Variants in TMTC1 observed in about 807,000 individuals in gnomAD.
The protein encoded by TMTC1 is protein O-mannosyl-transferase TMTC1.
A neutral mutation model predicts 104.8 loss-of-function variants in TMTC1; 73 were observed. That is an observed-to-expected ratio of 0.70 (90% CI 0.58 to 0.85). The LOEUF (loss-of-function observed/expected upper bound fraction) is 0.85, where lower values mean the gene tolerates loss of function less well. TMTC1 is among the 40% of genes least tolerant of loss of function. The pLI is 0.00. For missense variants in TMTC1, 1,035 were observed against 1,096.1 expected, an observed-to-expected ratio of 0.94 and a Z score of 0.79; for synonymous variants, 434 against 428.7, an observed-to-expected ratio of 1.01 and a Z score of -0.15.
At chr12:29,727,652 A>G (rs1359081101) in intron 5 of TMTC1, among the ~76,000 whole-genome samples, 1 of 152,208 alleles carries the variant, frequency 6.6e-6, no homozygotes, top group Non-Finnish European at 1.5e-5. Context: ...CTGGAATTAC[A>G]GGCGTGAGCC....
At chr12:29,569,254 T>G (rs188826492) in intron 9 of TMTC1, among the ~76,000 whole-genome samples, 2 of 152,290 alleles carry the variant, frequency 1.3e-5, no homozygotes, top group East Asian at 3.9e-4. Flanking sequence ...AATATTCATG[T>G]CATACATAAT....
At chr12:29,585,899 T>TTAGGACTGACTTGGAAATGTGGGCTC (rs1350634528) in intron 7 of TMTC1, among the ~76,000 whole-genome samples, 362 of 152,312 alleles carry the variant, frequency 2.4e-3, no homozygotes, top group African/African-American at 8.4e-3. Context: ...TTCTTTTGGC[T>TTAGGACTGACTTGGAAATGTGGGCTC]TAGGACTGAC....
intron 5 of TMTC1, among the ~76,000 whole-genome samples, chr12:29,735,954 G>A (rs912269788): frequency 3.9e-5 from 6 of 152,120 alleles, no homozygotes; most frequent in African/African-American, 9.7e-5. Flanking sequence ...GAGTCTCCTC[G>A]GGTCTATTAC....
intron 5 of TMTC1, among the ~76,000 whole-genome samples, chr12:29,677,120 C>T (rs1292306998): frequency 6.6e-6 from 1 of 152,204 alleles, no homozygotes; most frequent in Non-Finnish European, 1.5e-5. Flanking sequence ...TTCAAGAAAA[C>T]AGCATAAATA....
intron 3 of TMTC1, among the ~76,000 whole-genome samples, chr12:29,756,547 T>A (rs1359145129): frequency 2.0e-5 from 3 of 152,238 alleles, no homozygotes; most frequent in African/African-American, 7.2e-5. Context: ...AGCCAAAATA[T>A]TTAAATTCAT....
intron 5 of TMTC1, among the ~76,000 whole-genome samples, chr12:29,670,454 G>T (rs966596290): frequency 2.0e-5 from 3 of 152,142 alleles, no homozygotes; most frequent in South Asian, 2.1e-4. Flanking sequence ...TTGTCCCAAG[G>T]TTCCACAGGT....
At chr12:29,615,616 G>C (rs903864352) in intron 6 of TMTC1, among the ~76,000 whole-genome samples, 7 of 151,912 alleles carry the variant, frequency 4.6e-5, no homozygotes, top group Admixed American at 2.0e-4. Flanking sequence ...GGCCTTGCAG[G>C]GTCCCTCATC....
At chr12:29,636,527 C>G (rs1377550893) in intron 5 of TMTC1, among the ~76,000 whole-genome samples, 1 of 151,994 alleles carries the variant, frequency 6.6e-6, no homozygotes, top group Non-Finnish European at 1.5e-5. Flanking sequence ...TTACATGTTA[C>G]CAAAAGAAAA....
At chr12:29,661,607 T>C (rs1374890809) in intron 5 of TMTC1, among the ~76,000 whole-genome samples, 1 of 87,360 alleles carries the variant, frequency 1.1e-5, no homozygotes, top group African/African-American at 5.3e-5. Flanking sequence ...TTAGTATTTT[T>C]GTATTTTTAG....
chr12:29,666,765 T>C (rs867795236), intron 5 of TMTC1, among the ~76,000 whole-genome samples: 2 of 152,178 alleles, frequency 1.3e-5, no homozygotes, highest in Non-Finnish European at 1.5e-5. Flanking sequence ...AATTTTTGCC[T>C]AAATGTCAGC....
At chr12:29,600,796 G>T (rs1418927878) in intron 7 of TMTC1, among the ~76,000 whole-genome samples, 1 of 152,172 alleles carries the variant, frequency 6.6e-6, no homozygotes, top group African/African-American at 2.4e-5. Context: ...ATCTCCGGAG[G>T]GGGAAAGTAG....
chr12:29,685,223 TA>T (rs544371402), intron 5 of TMTC1, among the ~76,000 whole-genome samples: 10 of 151,490 alleles, frequency 6.6e-5, no homozygotes, highest in African/African-American at 1.9e-4. Context: ...CCACAAAGAT[TA>T]AAAAAAAATT....
intron 9 of TMTC1, among the ~76,000 whole-genome samples, chr12:29,559,708 C>T (rs1267895535): frequency 6.6e-6 from 1 of 152,170 alleles, no homozygotes; most frequent in Admixed American, 6.5e-5. Context: ...TTTACAGGGA[C>T]TCGCTGATTC....
intron 5 of TMTC1, among the ~76,000 whole-genome samples, chr12:29,728,321 G>T (rs923692762): frequency 2.0e-5 from 3 of 152,096 alleles, no homozygotes; most frequent in Non-Finnish European, 4.4e-5. Context: ...AATTCAGAAC[G>T]TGGGGAGGAG....
intron 6 of TMTC1, among the ~76,000 whole-genome samples, chr12:29,622,967 T>A (rs1277634807): frequency 3.9e-5 from 6 of 152,218 alleles, no homozygotes; most frequent in African/African-American, 1.4e-4. Flanking sequence ...TGTGTGGTTA[T>A]TTCTAGAGAA....
chr12:29,610,259 G>C (rs147561096), intron 6 of TMTC1, among the ~76,000 whole-genome samples: 1 of 152,276 alleles, frequency 6.6e-6, no homozygotes, highest in African/African-American at 2.4e-5. Context: ...CACATCCCTG[G>C]CTTCGTCCTG....
At chr12:29,731,429 T>C (rs1271040222) in intron 5 of TMTC1, among the ~76,000 whole-genome samples, 1 of 152,192 alleles carries the variant, frequency 6.6e-6, no homozygotes, top group Admixed American at 6.5e-5. Flanking sequence ...GTGCTGGAAT[T>C]ATATGCCCAC....
chr12:29,697,758 T>C (rs1941467887), intron 5 of TMTC1, among the ~76,000 whole-genome samples: 1 of 152,136 alleles, frequency 6.6e-6, no homozygotes, highest in Non-Finnish European at 1.5e-5. Context: ...AATTCTCTCT[T>C]TCTCAGGGGA....
chr12:29,623,831 T>A (rs1480319645), intron 6 of TMTC1, among the ~76,000 whole-genome samples: 9 of 64,118 alleles, frequency 1.4e-4, no homozygotes, highest in Non-Finnish European at 1.8e-4. Context: ...ATAAATAAAT[T>A]AAATTAAATT....
Sources: allele counts gnomAD v4.1 joint callset (sites outside exome capture counted in the v4.1 genomes callset), GRCh38; gene constraint gnomAD v4.1.1; transcripts MANE v1.5; gene names NCBI Gene and HGNC (gene_info 2026-07-23, HGNC 2026-07-21).